The following ZFHX3 variants were observed in gnomAD, a reference collection of about 807,000 sequenced individuals.
ZFHX3 encodes the protein zinc finger homeobox protein 3.
A neutral mutation model predicts 279.1 loss-of-function variants in ZFHX3; 42 were observed. The ratio of observed to expected loss-of-function variants is 0.15; its 90% CI spans 0.12 to 0.19. ZFHX3 has a LOEUF of 0.19. Ranked by LOEUF, ZFHX3 falls within the 10% of genes least tolerant of loss-of-function variation. The pLI, the probability that ZFHX3 is intolerant of heterozygous loss-of-function variation, is 1.00. For synonymous variants in ZFHX3, 2,293 were observed against 1,957.8 expected, an observed-to-expected ratio of 1.17 and a Z score of -4.52; for missense variants, 4,981 against 4,754.0, an observed-to-expected ratio of 1.05 and a Z score of -1.40.
intron 1 of ZFHX3, among the ~76,000 whole-genome samples, chr16:73,868,752 C>T (rs888039868): frequency 6.6e-6 from 1 of 152,038 alleles, no homozygotes; most frequent in Non-Finnish European, 1.5e-5. Flanking sequence ...TAAGTGTACA[C>T]TGAAGGGTTT....
Position 73,883,004 on chromosome 16 carries a change from A to T in ZFHX3, c.-1608+8647T>A, listed in dbSNP as rs535515635. Among the ~76,000 whole-genome samples, 3 of 150,556 alleles carry T rather than the reference A, an allele frequency of 2.0e-5. No homozygotes were observed. The East Asian group carries it at 5.8e-4, about 29-fold the overall frequency. ...GATTTGGGTTTTTTTGAAATGCCTGAGATTATTATTTTTAGTCAAGCTTTT... is the reference window on the plus strand; with the variant it reads ...GATTTGGGTTTTTTTGAAATGCCTGTGATTATTATTTTTAGTCAAGCTTTT... On this transcript the variant is annotated intron_variant, in intron 1 of 17. Coordinates refer to the ZFHX3 transcript ENST00000641206.
At chr16:73,642,124 T>A (rs756918059) in intron 2 of ZFHX3, among the ~76,000 whole-genome samples, 1 of 152,168 alleles carries the variant, frequency 6.6e-6, no homozygotes, top group Non-Finnish European at 1.5e-5. Flanking sequence ...CATTGGTTCA[T>A]GAACTCAGAC....
chr16:73,865,099 C>T (rs1174220629), intron 1 of ZFHX3, among the ~76,000 whole-genome samples: 3 of 152,210 alleles, frequency 2.0e-5, no homozygotes, highest in African/African-American at 7.2e-5. Flanking sequence ...CAGACCTGGG[C>T]ATCACAGCTG....
At chr16:73,291,339 C>T (rs977092244) in intron 4 of ZFHX3, among the ~76,000 whole-genome samples, 1 of 152,034 alleles carries the variant, frequency 6.6e-6, no homozygotes, top group African/African-American at 2.4e-5. Flanking sequence ...GTGAGGAATT[C>T]GGGGAGCTGC....
At chr16:73,546,760 TCTC>T (rs999796166) in intron 2 of ZFHX3, among the ~76,000 whole-genome samples, 5 of 150,554 alleles carry the variant, frequency 3.3e-5, no homozygotes, top group South Asian at 2.1e-4. Context: ...GGCTTCTTCT[TCTC>T]CTTTTTTAAT....
intron 1 of ZFHX3, among the ~76,000 whole-genome samples, chr16:73,801,515 G>A (rs1222299799): frequency 6.6e-6 from 1 of 152,178 alleles, no homozygotes; most frequent in Admixed American, 6.5e-5. Flanking sequence ...GAATGGACTA[G>A]ATCAAAAAAT....
At chr16:72,890,043 C>A in intron 3 of ZFHX3, 81 bp from the exon 4 acceptor site, 2 of 1,313,250 alleles carry the variant, frequency 1.5e-6, no homozygotes, top group East Asian at 2.5e-5. Context: ...CCATCCTGGT[C>A]ACAGCCAGAG....
chr16:72,871,960 C>A (rs1217744963), intron 4 of ZFHX3, among the ~76,000 whole-genome samples: 3 of 152,116 alleles, frequency 2.0e-5, no homozygotes, highest in African/African-American at 7.2e-5. Context: ...TGGTGGGCGC[C>A]TGTAGTCCCA....
intron 2 of ZFHX3, among the ~76,000 whole-genome samples, chr16:73,645,211 G>C (rs955828855): frequency 6.6e-6 from 1 of 152,080 alleles, no homozygotes; most frequent in African/African-American, 2.4e-5. Context: ...TTTTTCTTGG[G>C]GATTCCAAAT....
intron 3 of ZFHX3, among the ~76,000 whole-genome samples, chr16:73,445,118 G>C (rs28729546): frequency 6.6e-6 from 1 of 151,938 alleles, no homozygotes; most frequent in East Asian, 1.9e-4. Flanking sequence ...CTGGGTGACA[G>C]AACGAGACTG....
chr16:73,643,223 G>C (rs1597043339), intron 2 of ZFHX3, among the ~76,000 whole-genome samples: 1 of 152,128 alleles, frequency 6.6e-6, no homozygotes, highest in Non-Finnish European at 1.5e-5. Context: ...ATCATCAAGA[G>C]ATTTAATTCC....
At chr16:73,798,206 T>C (rs1412069838) in intron 1 of ZFHX3, among the ~76,000 whole-genome samples, 2 of 152,134 alleles carry the variant, frequency 1.3e-5, no homozygotes, top group African/African-American at 4.8e-5. Flanking sequence ...CTTTGGTTTG[T>C]TGTGTTACTA....
At chr16:73,346,209 T>A (rs1402920686) in intron 3 of ZFHX3, among the ~76,000 whole-genome samples, 1 of 152,086 alleles carries the variant, frequency 6.6e-6, no homozygotes, top group Non-Finnish European at 1.5e-5. Flanking sequence ...AATGGATACA[T>A]CCTCTGCCTG....
At chr16:72,997,145 C>A (rs1243057771) in intron 1 of ZFHX3, among the ~76,000 whole-genome samples, 11 of 152,194 alleles carry the variant, frequency 7.2e-5, no homozygotes, top group Admixed American at 7.2e-4. Flanking sequence ...CACAAGTGTT[C>A]CTGCAGCTTC....
intron 3 of ZFHX3, among the ~76,000 whole-genome samples, chr16:72,935,945 G>A (rs192396061): frequency 6.6e-6 from 1 of 152,314 alleles, no homozygotes; most frequent in African/African-American, 2.4e-5. Context: ...GCATTTTGAT[G>A]AGAGTGCTGG....
chr16:73,160,033 GATTAC>G (rs1967190661), intron 5 of ZFHX3, among the ~76,000 whole-genome samples: 2 of 152,150 alleles, frequency 1.3e-5, no homozygotes, highest in Non-Finnish European at 2.9e-5. Flanking sequence ...AAAGTGCTGG[GATTAC>G]AGGCATGAGC....
chr16:72,879,151 G>T (rs1316243401), intron 4 of ZFHX3, among the ~76,000 whole-genome samples: 3 of 152,166 alleles, frequency 2.0e-5, no homozygotes, highest in Non-Finnish European at 4.4e-5. Flanking sequence ...TACACACTGG[G>T]ATCTTTATAT....
chr16:73,262,569 T>TA (rs112113318), intron 4 of ZFHX3, among the ~76,000 whole-genome samples: 16,085 of 151,848 alleles, frequency 0.11, 1,311 homozygotes, highest in East Asian at 0.46. Context: ...TGAGACAAGG[T>TA]AAAAAAAGGG....
chr16:73,710,849 T>G (rs936506909), intron 1 of ZFHX3, among the ~76,000 whole-genome samples: 19 of 152,136 alleles, frequency 1.2e-4, no homozygotes, highest in Non-Finnish European at 1.5e-4. Context: ...ACTGGTCAAT[T>G]TGGGTTTCCT....
Sources: allele counts gnomAD v4.1 joint callset (sites outside exome capture counted in the v4.1 genomes callset), GRCh38; gene constraint gnomAD v4.1.1; transcripts MANE v1.5; gene names NCBI Gene and HGNC (gene_info 2026-07-23, HGNC 2026-07-21).